Variants in LAMA2 observed in about 807,000 individuals in gnomAD.
LAMA2 encodes the protein laminin subunit alpha 2.
LAMA2 carries 269 observed loss-of-function variants against 364.8 expected under a neutral mutation model. The observed-to-expected ratio is 0.74, with a 90% CI of 0.67 to 0.82. The LOEUF (loss-of-function observed/expected upper bound fraction) is 0.82. LAMA2 is among the 40% of genes least tolerant of loss of function. The probability of loss-of-function intolerance (pLI) is 0.00; values close to 1 mark genes in which losing one functional copy is unlikely to be tolerated. For missense variants in LAMA2, 3,807 were observed against 3,873.2 expected, an observed-to-expected ratio of 0.98 and a Z score of 0.45; for synonymous variants, 1,379 against 1,370.6, an observed-to-expected ratio of 1.01 and a Z score of -0.14.
chr6:129,467,314 G>A (rs901034849), intron 51 of LAMA2, among the ~76,000 whole-genome samples: 2 of 151,676 alleles, frequency 1.3e-5, no homozygotes, highest in African/African-American at 2.4e-5. Flanking sequence ...ATGGATACAC[G>A]AAGACGTGAA....
chr6:129,454,584 T>C (rs1419221416), intron 47 of LAMA2, among the ~76,000 whole-genome samples: 3 of 152,162 alleles, frequency 2.0e-5, no homozygotes, highest in Non-Finnish European at 4.4e-5. Flanking sequence ...CTGAAGAAAG[T>C]ACTGCCACTT....
chr6:128,916,114 C>T (rs566198917), intron 1 of LAMA2, among the ~76,000 whole-genome samples: 8 of 152,176 alleles, frequency 5.3e-5, no homozygotes, highest in South Asian at 2.1e-4. Flanking sequence ...AGTTCATCTC[C>T]GCCCATCTCC....
intron 40 of LAMA2, among the ~76,000 whole-genome samples, chr6:129,422,238 G>T (rs766471369): frequency 3.9e-5 from 6 of 151,926 alleles, no homozygotes; most frequent in Non-Finnish European, 8.8e-5. Flanking sequence ...TCTGAGCAAG[G>T]AATGGTTGAC....
intron 26 of LAMA2, 35 bp downstream of exon 26, chr6:129,315,985 A>G (rs747353950): frequency 3.7e-6 from 6 of 1,613,956 alleles, no homozygotes; most frequent in African/African-American, 1.3e-5. Context: ...AAAGATACCA[A>G]TCAATGGTTT....
intron 8 of LAMA2, chr6:129,157,610 C>A (rs1423951221): frequency 5.4e-5 from 87 of 1,612,590 alleles, no homozygotes; most frequent in Non-Finnish European, 7.3e-5. Flanking sequence ...GATTGTGGGC[C>A]CAGCATTCTG....
Position 129,171,523 on chromosome 6 carries a change from A to G in LAMA2, c.1306+5848A>G, listed in dbSNP as rs1482717416. Among the ~76,000 whole-genome samples, 6 of 152,298 alleles carry G rather than the reference A, an allele frequency of 3.9e-5. No homozygotes were observed. In the East Asian group the frequency reaches 7.7e-4, roughly 20 times the overall value. ...TGGCCCCCACTCTCTTCCGGCTTGT[A>G]GAGTTTCTGCCGAGCGATCTGCTGT... On this transcript the variant is annotated intron_variant, in intron 9 of 64. Transcript: ENST00000421865.
At chr6:128,936,777 T>C (rs1401621555) in intron 1 of LAMA2, among the ~76,000 whole-genome samples, 1 of 152,168 alleles carries the variant, frequency 6.6e-6, no homozygotes, top group Non-Finnish European at 1.5e-5. Context: ...AGATGAAATA[T>C]GGTGAACGAC....
intron 12 of LAMA2, among the ~76,000 whole-genome samples, chr6:129,208,451 C>T (rs965343831): frequency 6.7e-6 from 1 of 148,760 alleles, no homozygotes; most frequent in Non-Finnish European, 1.5e-5. Context: ...ACTCCCCTCA[C>T]ACATAAACAG....
chr6:129,432,828 A>G (rs930854172), intron 41 of LAMA2, among the ~76,000 whole-genome samples: 2 of 152,176 alleles, frequency 1.3e-5, no homozygotes, highest in South Asian at 4.1e-4. Context: ...TTTTATCCCA[A>G]TATCCTGAAT....
intron 14 of LAMA2, among the ~76,000 whole-genome samples, chr6:129,252,855 GC>G (rs1786365873): frequency 6.6e-6 from 1 of 152,122 alleles, no homozygotes; most frequent in East Asian, 1.9e-4. Context: ...AATTCAATAA[GC>G]TTTATTGCTT....
At chr6:128,987,353 G>C (rs1156273591) in intron 1 of LAMA2, among the ~76,000 whole-genome samples, 2 of 151,838 alleles carry the variant, frequency 1.3e-5, no homozygotes, top group Non-Finnish European at 2.9e-5. Flanking sequence ...ATTTTGGCGA[G>C]GCTGGTCTCA....
intron 41 of LAMA2, among the ~76,000 whole-genome samples, chr6:129,438,056 T>A (rs1038454928): frequency 1.8e-4 from 28 of 151,592 alleles, no homozygotes; most frequent in African/African-American, 6.5e-4. Context: ...AGAAAAAAAC[T>A]ATATAAAATT....
intron 1 of LAMA2, among the ~76,000 whole-genome samples, chr6:129,005,849 T>TTA (rs1784416928): frequency 6.6e-6 from 1 of 151,158 alleles, no homozygotes; most frequent in African/African-American, 2.4e-5. Flanking sequence ...ATATATATTT[T>TTA]TATATATATA....
chr6:129,426,075 A>G (rs1781310198), intron 40 of LAMA2, among the ~76,000 whole-genome samples: 1 of 152,088 alleles, frequency 6.6e-6, no homozygotes, highest in African/African-American at 2.4e-5. Flanking sequence ...TCAGGATTGT[A>G]TTATCATCCT....
intron 1 of LAMA2, among the ~76,000 whole-genome samples, chr6:128,951,049 C>T (rs1312606367): frequency 1.3e-5 from 2 of 152,014 alleles, no homozygotes; most frequent in African/African-American, 4.8e-5. Context: ...GATCTAGTCA[C>T]ATAATATTTG....
Position 129,267,112 on chromosome 6 carries a change from T to G in LAMA2, c.2215T>G (p.Trp739Gly). 6.2e-7 allele frequency: 1 copy of G among 1,606,550 alleles called. No individual in the cohort carries two copies. Residue 739 changes from tryptophan (W) to glycine (G), a missense_variant, in exon 16 of 65, where the codon TGG becomes GGG. By Grantham distance (184) the Trp-to-Gly change is radical. Transcript: ENST00000421865. ...AGCCTTATCTTTCTCTCAGTCTTGT[T>G]GGCCTAGGCACAGGCGAGTTAACGG... ...GYTGSSCESC[W>G]PRHRRVNGTI... is the part of the protein sequence containing the mutation.
rs1414737 is a variant in LAMA2 at position 129,464,074 on chromosome 6, C to T, written c.6993-216C>T. On this transcript the variant is annotated intron_variant, in intron 49 of 64. Coordinates refer to ENST00000421865, the MANE Select transcript of LAMA2 (RefSeq NM_000426.4). ...ATAAAGCACTTAAAAAAACTAATGA[C>T]TTAGTTATTGCACACCTCATGAAAG... Among the ~76,000 whole-genome samples, 64,144 of 151,558 alleles carry T rather than the reference C, an allele frequency of 0.42. 13,766 individuals carry two copies. The highest frequency in any genetic ancestry group is 0.46 in the South Asian group (2,207 of 4,810).
At chr6:129,076,394 A>T (rs1421282715) in intron 3 of LAMA2, among the ~76,000 whole-genome samples, 2 of 147,198 alleles carry the variant, frequency 1.4e-5, no homozygotes, top group Non-Finnish European at 3.0e-5. Flanking sequence ...GGGGGAAAAA[A>T]CACCTAAATT....
intron 1 of LAMA2, among the ~76,000 whole-genome samples, chr6:128,894,566 G>C (rs1027124493): frequency 1.3e-5 from 2 of 152,172 alleles, no homozygotes; most frequent in East Asian, 3.8e-4. Flanking sequence ...CGAAAAAAGT[G>C]GCTAGTTTAG....
Sources: allele counts gnomAD v4.1 joint callset (sites outside exome capture counted in the v4.1 genomes callset), GRCh38; gene constraint gnomAD v4.1.1; transcripts MANE v1.5; gene names NCBI Gene and HGNC (gene_info 2026-07-23, HGNC 2026-07-21).